Variants in PPP1R9A observed in about 807,000 individuals in gnomAD.
PPP1R9A encodes the protein neurabin-1.
In PPP1R9A, 59 loss-of-function variants were observed where a neutral mutation model predicts 141.9. The observed-to-expected ratio is 0.42, with a 90% confidence interval of 0.34 to 0.52. The LOEUF is 0.52. Ranked by LOEUF, PPP1R9A falls within the 20% of genes least tolerant of loss-of-function variation. PPP1R9A has a pLI of 0.10. For missense variants in PPP1R9A, 1,444 were observed against 1,611.9 expected (o/e 0.90, Z 1.78); for synonymous variants, 500 against 569.7 (o/e 0.88, Z 1.74).
intron 2 of PPP1R9A, among the ~76,000 whole-genome samples, chr7:94,934,809 T>A (rs538078899): frequency 6.6e-6 from 1 of 151,850 alleles, no homozygotes; most frequent in East Asian, 1.9e-4. Flanking sequence ...TGTGTGTGTG[T>A]ATGTATATAC....
chr7:94,979,654 GTCATT>G (rs1318519793), intron 2 of PPP1R9A, among the ~76,000 whole-genome samples: 1 of 152,190 alleles, frequency 6.6e-6, no homozygotes. Context: ...TGAGGCAAGT[GTCATT>G]ATTACCTCTT....
At chr7:95,177,996 GAAAC>G (rs1307707411) in intron 5 of PPP1R9A, among the ~76,000 whole-genome samples, 2 of 151,700 alleles carry the variant, frequency 1.3e-5, no homozygotes, top group Non-Finnish European at 2.9e-5. Context: ...AGTCAACAAA[GAAAC>G]AATGGATTTA....
chr7:94,910,729 A>G lies in PPP1R9A; in HGVS notation c.616A>G (p.Ser206Gly). The G allele has an allele frequency of 6.2e-7, 1 of 1,614,142 alleles. No homozygotes were observed. The highest frequency in any genetic ancestry group is 1.1e-5 in the South Asian group (1 of 91,076). The change falls in exon 2 of 20, where the codon AGT becomes GGT. Residue 206 changes from serine (S) to glycine (G), a missense_variant. Physicochemically the swap from Ser to Gly is moderately conservative, Grantham distance 56. Coordinates refer to ENST00000433360, the MANE Select transcript of PPP1R9A (RefSeq NM_001166160.2). This position sits in a 1 kb window ranked among gnomAD's most constrained non-coding sequence, Gnocchi z 4.5. ...TGTCTCCCCAACTGTGAGTCAACTGAGTGCAGTATTTGAGAACACTGATTC... is the reference window on the plus strand; with the variant it reads ...TGTCTCCCCAACTGTGAGTCAACTGGGTGCAGTATTTGAGAACACTGATTC... ...EAVSPTVSQL[S>G]AVFENTDSPS...
At chr7:95,230,479 C>T (rs1031555058) in intron 8 of PPP1R9A, among the ~76,000 whole-genome samples, 3 of 151,934 alleles carry the variant, frequency 2.0e-5, no homozygotes, top group African/African-American at 7.2e-5. Flanking sequence ...ACAGTCACAA[C>T]TTCTGGAAAT....
chr7:94,915,038 G>C (rs957870603), intron 2 of PPP1R9A, among the ~76,000 whole-genome samples: 1 of 152,066 alleles, frequency 6.6e-6, no homozygotes, highest in African/African-American at 2.4e-5. Flanking sequence ...ACAATGGATT[G>C]TTATTCTTGA....
chr7:95,117,277 G>T (rs961306695), intron 3 of PPP1R9A, among the ~76,000 whole-genome samples: 1 of 151,984 alleles, frequency 6.6e-6, no homozygotes, highest in African/African-American at 2.4e-5. Context: ...CTGGGTTCTC[G>T]ATGGGTCAGC....
At chr7:95,106,518 A>G (rs1392393017) in intron 2 of PPP1R9A, among the ~76,000 whole-genome samples, 1 of 152,154 alleles carries the variant, frequency 6.6e-6, no homozygotes, top group Admixed American at 6.5e-5. Context: ...CAATCACTGC[A>G]TTGAATTACA....
chr7:95,269,306 C>G lies in PPP1R9A; in HGVS notation c.2923C>G (p.Leu975Val). 6.3e-7 allele frequency: 1 copy of G among 1,597,626 alleles called. No individual in the cohort carries two copies. The highest frequency in any genetic ancestry group is 1.3e-5 in the African/African-American group (1 of 74,962). ...AGAATCAGATTCTGGTGTTCCACCCCTCACCCCGGTGGATAGCAATGTGCC... is the reference window on the plus strand; with the variant it reads ...AGAATCAGATTCTGGTGTTCCACCCGTCACCCCGGTGGATAGCAATGTGCC... ...SPESDSGVPP[L>V]TPVDSNVPFS... Residue 975 changes from leucine (L) to valine (V), a missense_variant, in exon 14 of 20, where the codon CTC becomes GTC. Around this residue, in one of 5 missense-constraint regions of PPP1R9A, gnomAD observed 459 missense variants for 513.8 expected, o/e 0.89. Transcript: ENST00000433360.
intron 2 of PPP1R9A, among the ~76,000 whole-genome samples, chr7:94,940,430 T>G (rs1420549685): frequency 6.6e-6 from 1 of 151,992 alleles, no homozygotes; most frequent in Non-Finnish European, 1.5e-5. Flanking sequence ...TTAATACTAT[T>G]TTTCTTCTTA....
chr7:95,177,080 GT>G (rs1373516270), intron 5 of PPP1R9A, among the ~76,000 whole-genome samples: 1 of 152,116 alleles, frequency 6.6e-6, no homozygotes, highest in Non-Finnish European at 1.5e-5. Context: ...GTTAACTAAA[GT>G]TAAGATGAAG....
intron 2 of PPP1R9A, among the ~76,000 whole-genome samples, chr7:94,947,704 G>T (rs542958305): frequency 3.3e-5 from 5 of 152,072 alleles, no homozygotes; most frequent in African/African-American, 1.2e-4. Context: ...AAGGCAGATT[G>T]GTGCTAATTT....
chr7:94,973,537 AG>A (rs1799092546), intron 2 of PPP1R9A, among the ~76,000 whole-genome samples: 1 of 152,190 alleles, frequency 6.6e-6, no homozygotes, highest in Non-Finnish European at 1.5e-5. Context: ...TAAGTGAGAT[AG>A]GAATTAGCAT....
At chr7:95,206,827 A>G (rs1790904587) in intron 7 of PPP1R9A, among the ~76,000 whole-genome samples, 1 of 152,216 alleles carries the variant, frequency 6.6e-6, no homozygotes, top group Non-Finnish European at 1.5e-5. Flanking sequence ...GCTTTGAGTT[A>G]TAGTAGACAA....
At chr7:95,127,898 T>G (rs772518334) in intron 4 of PPP1R9A, among the ~76,000 whole-genome samples, 3 of 152,212 alleles carry the variant, frequency 2.0e-5, no homozygotes, top group Non-Finnish European at 2.9e-5. Flanking sequence ...ATGTGCCACA[T>G]TTTTCTCTGT....
In PPP1R9A at chr7:95,290,285, G is replaced by A; in HGVS notation, c.4107G>A (p.Glu1369=). The A allele has an allele frequency of 6.2e-7, 1 of 1,610,850 alleles. No individual in the cohort carries two copies. The highest frequency in any genetic ancestry group is 8.5e-7 in the Non-Finnish European group (1 of 1,178,392). ...KTEKMTSTTA[E]GAGEQ ...AAAAGATGACGTCAACTACAGCCGAGGGTGCTGGTGAGCAGTAACACATAC... is the reference window on the plus strand; with the variant it reads ...AAAAGATGACGTCAACTACAGCCGAAGGTGCTGGTGAGCAGTAACACATAC... The change falls in exon 20 of 20, where the codon GAG becomes GAA. Residue 1369 remains glutamate (E), a synonymous_variant. Transcript: ENST00000433360.
intron 5 of PPP1R9A, among the ~76,000 whole-genome samples, chr7:95,194,776 C>T (rs1585183559): frequency 6.7e-6 from 1 of 148,150 alleles, no homozygotes; most frequent in South Asian, 2.1e-4. Flanking sequence ...TTTTTTAAGA[C>T]CTATATACTG....
chr7:95,020,620 C>A (rs2151716591), intron 2 of PPP1R9A, among the ~76,000 whole-genome samples: 2 of 152,176 alleles, frequency 1.3e-5, no homozygotes, highest in Middle Eastern at 6.8e-3. Flanking sequence ...TAGCCACCAG[C>A]CCCCATCCTG....
intron 2 of PPP1R9A, among the ~76,000 whole-genome samples, chr7:94,962,092 G>A (rs1797705547): frequency 1.3e-5 from 2 of 151,902 alleles, no homozygotes; most frequent in Admixed American, 1.3e-4. Context: ...CATCAGGAGT[G>A]ACAGGTTTTT....
At chr7:95,265,302 C>T (rs897151754) in intron 12 of PPP1R9A, among the ~76,000 whole-genome samples, 8 of 152,162 alleles carry the variant, frequency 5.3e-5, no homozygotes, top group African/African-American at 1.9e-4. Context: ...GGAGAATAGG[C>T]TTCTGAAGCC....
Sources: allele counts gnomAD v4.1 joint callset (sites outside exome capture counted in the v4.1 genomes callset), GRCh38; gene constraint gnomAD v4.1.1; regional missense constraint gnomAD v4.1.1; non-coding constraint Gnocchi (gnomAD v3.1); transcripts MANE v1.5; gene names NCBI Gene and HGNC (gene_info 2026-07-23, HGNC 2026-07-21).